The following ATRNL1 variants were observed in gnomAD, a reference collection of about 807,000 sequenced individuals.
ATRNL1 encodes attractin-like protein 1.
A neutral mutation model predicts 182.7 loss-of-function variants in ATRNL1; 95 were observed. That is an observed-to-expected ratio of 0.52 (90% CI 0.44 to 0.62). ATRNL1 has a LOEUF of 0.62. ATRNL1 is among the 20% of genes least tolerant of loss of function. ATRNL1 has a pLI of 0.00. For missense variants in ATRNL1, 1,471 were observed against 1,679.5 expected (o/e 0.88, Z 2.17); for synonymous variants, 576 against 568.3 (o/e 1.01, Z -0.19).
chr10:115,922,790 T>A lies in ATRNL1; in HGVS notation c.4019-21868T>A, dbSNP rs538715595. Among the ~76,000 whole-genome samples the A allele has an allele frequency of 5.9e-5, 9 of 152,346 alleles. No individual in the cohort carries two copies. In the East Asian group the frequency reaches 1.7e-3, roughly 29 times the overall value. Reference sequence around the variant, plus strand: ...TAAGAAAATAAGTAAGGCAAGTTCTTCATATAACAACAATGTATAGAGGAA... The same window carrying A: ...TAAGAAAATAAGTAAGGCAAGTTCTACATATAACAACAATGTATAGAGGAA... On this transcript the variant is annotated intron_variant, in intron 28 of 28. Transcript: ENST00000355044.
chr10:115,684,847 A>G (rs782447934), intron 26 of ATRNL1, among the ~76,000 whole-genome samples: 2 of 151,750 alleles, frequency 1.3e-5, no homozygotes, highest in Non-Finnish European at 1.5e-5. Context: ...CTAAATGGCT[A>G]GCATGTTATG....
intron 28 of ATRNL1, among the ~76,000 whole-genome samples, chr10:115,913,256 A>C (rs1012728759): frequency 6.6e-6 from 1 of 152,146 alleles, no homozygotes; most frequent in African/African-American, 2.4e-5. Context: ...CCAATTGCCT[A>C]ATTATTCAGA....
intron 1 of ATRNL1, among the ~76,000 whole-genome samples, chr10:115,115,313 G>A (rs148849041): frequency 3.3e-4 from 50 of 152,130 alleles, no homozygotes; most frequent in African/African-American, 9.6e-4. Context: ...CTATTATTTC[G>A]TTGGCGTTCT....
At chr10:115,802,250 T>C (rs1357605705) in intron 27 of ATRNL1, among the ~76,000 whole-genome samples, 76 of 152,278 alleles carry the variant, frequency 5.0e-4, no homozygotes, top group African/African-American at 1.8e-3. Context: ...GTTGATATTC[T>C]GGGAAAGCTA....
chr10:115,171,199 A>G lies in ATRNL1; in HGVS notation c.1255A>G (p.Met419Val), dbSNP rs375963014. 5.2e-5 allele frequency: 84 copies of G among 1,611,046 alleles called. 2 individuals are homozygous for G. The highest frequency in any genetic ancestry group is 5.0e-4 in the Middle Eastern group (3 of 6,038). Residue 419 changes from methionine to valine, a missense_variant, in exon 8 of 29, where the codon ATG becomes GTG. Physicochemically the swap from Met to Val is conservative, Grantham distance 21. This residue lies in a region of ATRNL1 where 1,031 missense variants were observed against 1,156.0 expected (regional missense o/e 0.89). Coordinates refer to ENST00000355044, the MANE Select transcript of ATRNL1 (RefSeq NM_207303.4). ...YAVEGHSAHI[M>V]ELDSRDVVMI... is the part of the protein sequence containing the mutation. ...TGTGGAGGGACATTCAGCACATATT[A>G]TGGAGTTGGATAGTAGAGATGTTGT...
At chr10:115,883,973 A>C (rs998815222) in intron 28 of ATRNL1, among the ~76,000 whole-genome samples, 5 of 152,216 alleles carry the variant, frequency 3.3e-5, no homozygotes, top group Non-Finnish European at 7.3e-5. Context: ...GACAGAACCT[A>C]ATGATTGATT....
At chr10:115,372,726 A>G (rs1197150881) in intron 19 of ATRNL1, among the ~76,000 whole-genome samples, 12 of 152,010 alleles carry the variant, frequency 7.9e-5, no homozygotes, top group Admixed American at 4.6e-4. Context: ...TATTTCATCA[A>G]TCATATGTCT....
intron 26 of ATRNL1, among the ~76,000 whole-genome samples, chr10:115,594,222 C>T (rs1369637645): frequency 6.6e-6 from 1 of 152,070 alleles, no homozygotes; most frequent in Non-Finnish European, 1.5e-5. Flanking sequence ...ATAATCTATA[C>T]ATATATATGC....
At chr10:115,817,348 C>G (rs184601818) in intron 27 of ATRNL1, among the ~76,000 whole-genome samples, 63 of 152,006 alleles carry the variant, frequency 4.1e-4, no homozygotes, top group African/African-American at 1.4e-3. Flanking sequence ...GATTACATTC[C>G]CAGCATGCAT....
intron 18 of ATRNL1, among the ~76,000 whole-genome samples, chr10:115,329,652 A>G (rs1472110795): frequency 6.6e-6 from 1 of 152,040 alleles, no homozygotes; most frequent in African/African-American, 2.4e-5. Context: ...ATCTCTTTTT[A>G]TAGTTTTTGA....
At chr10:115,323,437 C>CCCCTT (rs1564913831) in intron 18 of ATRNL1, among the ~76,000 whole-genome samples, 8 of 62,748 alleles carry the variant, frequency 1.3e-4, no homozygotes, top group Non-Finnish European at 2.1e-4. Context: ...CCCCTCCCCT[C>CCCCTT]CCCTTCCCTT....
At chr10:115,314,293 A>G (rs546739622) in intron 17 of ATRNL1, among the ~76,000 whole-genome samples, 2 of 152,340 alleles carry the variant, frequency 1.3e-5, no homozygotes, top group East Asian at 1.9e-4. Context: ...AAATAATGTT[A>G]TAATTGGTAA....
chr10:115,377,307 A>T (rs1348658339), intron 19 of ATRNL1, among the ~76,000 whole-genome samples: 3 of 152,084 alleles, frequency 2.0e-5, no homozygotes, highest in Non-Finnish European at 4.4e-5. Context: ...TACCCCATTC[A>T]CTTGGCTCTC....
intron 8 of ATRNL1, among the ~76,000 whole-genome samples, chr10:115,181,774 T>C (rs1554887868): frequency 6.6e-6 from 1 of 151,766 alleles, no homozygotes; most frequent in African/African-American, 2.4e-5. Context: ...TTATTACCTT[T>C]AAAGAAGGCA....
rs531654930 is a variant in ATRNL1 at position 115,930,854 on chromosome 10, G to C, written c.4019-13804G>C. On this transcript the variant is annotated intron_variant, in intron 28 of 28. Transcript: ENST00000355044. ...TTTGGCACTGAGGCTCACTGGCTCA[G>C]GGTCAGTATTTTTACTTCTCCATCT... is the stretch of plus-strand genomic sequence containing the variant. Among the ~76,000 whole-genome samples the C allele has an allele frequency of 1.6e-3, 250 of 152,252 alleles. 1 individual carries two copies. Among genetic ancestry groups the C allele is most frequent in the African/African-American group, 5.8e-3 (241 of 41,554 alleles).
At chr10:115,312,602 A>G (rs918941734) in intron 17 of ATRNL1, among the ~76,000 whole-genome samples, 5 of 152,144 alleles carry the variant, frequency 3.3e-5, no homozygotes, top group Admixed American at 3.3e-4. Flanking sequence ...TTGTTTGTGC[A>G]ATGAATCTCT....
At chr10:115,390,449 ATTGT>A (rs1843960387) in intron 19 of ATRNL1, among the ~76,000 whole-genome samples, 1 of 152,124 alleles carries the variant, frequency 6.6e-6, no homozygotes, top group Non-Finnish European at 1.5e-5. Flanking sequence ...TCTTTTCTCC[ATTGT>A]GTGTTCTTGA....
At chr10:115,786,726 TACAG>T (rs1555080492) in intron 27 of ATRNL1, among the ~76,000 whole-genome samples, 1 of 152,202 alleles carries the variant, frequency 6.6e-6, no homozygotes, top group Non-Finnish European at 1.5e-5. Context: ...TATGTGTTCT[TACAG>T]ACCTCTAATT....
intron 20 of ATRNL1, among the ~76,000 whole-genome samples, chr10:115,424,682 A>C (rs182264379): frequency 6.4e-4 from 97 of 152,282 alleles, no homozygotes; most frequent in African/African-American, 2.1e-3. Flanking sequence ...CAGAAGAAAA[A>C]TACTGCATGA....
Sources: allele counts gnomAD v4.1 joint callset (sites outside exome capture counted in the v4.1 genomes callset), GRCh38; gene constraint gnomAD v4.1.1; regional missense constraint gnomAD v4.1.1; transcripts MANE v1.5; gene names NCBI Gene and HGNC (gene_info 2026-07-23, HGNC 2026-07-21).